Variants in XPO7 observed in about 807,000 individuals in gnomAD.
XPO7 encodes exportin 7.
Under a neutral mutation model 144.3 loss-of-function variants are expected in XPO7, and 21 were observed. That is an observed-to-expected ratio of 0.15 (90% confidence interval 0.10 to 0.21). XPO7 has a LOEUF of 0.21. Among genes scored for constraint, XPO7 ranks in the 10% least tolerant of loss-of-function variants. The probability of loss-of-function intolerance (pLI) is 1.00; values close to 1 mark genes in which losing one functional copy is unlikely to be tolerated. For missense variants in XPO7, 808 were observed against 1,325.8 expected, an observed-to-expected ratio of 0.61 and a Z score of 6.06; for synonymous variants, 580 against 499.6, an observed-to-expected ratio of 1.16 and a Z score of -2.15.
rs1260987242 is a variant in XPO7 at position 21,919,741 on chromosome 8, G to A, written c.-30G>A. ...CCGAGGTGCGCGCTGGGGGGGAGGG[G>A]GGGCCGGAGAGGAGCATGAATGGAG... On this transcript the variant is annotated 5_prime_UTR_variant, in exon 1 of 28. Transcript: ENST00000252512. 1 of 404,566 alleles carries A rather than the reference G, an allele frequency of 2.5e-6. No homozygotes were observed. Among genetic ancestry groups the A allele is most frequent in the Non-Finnish European group, 3.6e-6 (1 of 274,492 alleles). 25.1% of individuals were successfully genotyped at this position (404,566 alleles called of 1,614,324 possible). A position where few individuals can be genotyped will look rare whatever the true frequency, so the allele number is the denominator to read the frequency against.
At chr8:21,975,840 A>T (rs1812206809) in intron 6 of XPO7, among the ~76,000 whole-genome samples, 1 of 152,244 alleles carries the variant, frequency 6.6e-6, no homozygotes, top group Non-Finnish European at 1.5e-5. Flanking sequence ...ACTCACCTGT[A>T]GTCTGCAGGT....
intron 15 of XPO7, chr8:21,988,353 T>A (rs1464801395): frequency 6.4e-6 from 1 of 157,200 alleles, no homozygotes; most frequent in Non-Finnish European, 1.4e-5. Flanking sequence ...TGAACTGTCT[T>A]CAGAGTTGGA....
At chr8:21,931,561 G>A (rs1466144923) in intron 1 of XPO7, among the ~76,000 whole-genome samples, 1 of 152,188 alleles carries the variant, frequency 6.6e-6, no homozygotes, top group Non-Finnish European at 1.5e-5. Flanking sequence ...ACTGACAAGA[G>A]TAAAATGTTT....
chr8:21,955,241 A>G (rs1232539039), intron 1 of XPO7, among the ~76,000 whole-genome samples: 2 of 152,344 alleles, frequency 1.3e-5, no homozygotes, highest in Non-Finnish European at 2.9e-5. Context: ...GAATTAAACA[A>G]CTTTCTTTTT....
chr8:21,969,805 T>A, intron 3 of XPO7: 2 of 556,494 alleles, frequency 3.6e-6, no homozygotes, highest in Non-Finnish European at 6.3e-6. Flanking sequence ...GGAGATTTCT[T>A]CATTCATCTT....
In XPO7 at chr8:21,989,103, C is replaced by T; in HGVS notation, c.1868+20C>T. 6.2e-7 allele frequency: 1 copy of T among 1,606,428 alleles called. No individual in the cohort carries two copies. Among genetic ancestry groups the T allele is most frequent in the Non-Finnish European group, 8.5e-7 (1 of 1,174,266 alleles). On this transcript the variant is annotated intron_variant, in intron 16 of 27. Transcript: ENST00000252512. Reference sequence around the variant, plus strand: ...CATTGGATATCCTTTTCTAAGCTAACTTCTGTGCACAACAGAAACTGGCAT... The same window carrying T: ...CATTGGATATCCTTTTCTAAGCTAATTTCTGTGCACAACAGAAACTGGCAT...
At chr8:21,990,263 C>A (rs550239644) in intron 16 of XPO7, 81 bp from the exon 17 acceptor site, 358 of 1,409,656 alleles carry the variant, frequency 2.5e-4, no homozygotes, top group Middle Eastern at 1.4e-3. Context: ...GGTGAACTGT[C>A]CTTTATTCTG....
chr8:21,942,081 A>G (rs1327493842), intron 1 of XPO7, among the ~76,000 whole-genome samples: 2 of 152,248 alleles, frequency 1.3e-5, no homozygotes, highest in East Asian at 3.8e-4. Context: ...CATTGGTCAT[A>G]CATTGCAATA....
chr8:21,960,487 A>T (rs1190124622), intron 1 of XPO7, among the ~76,000 whole-genome samples: 1 of 152,232 alleles, frequency 6.6e-6, no homozygotes, highest in Non-Finnish European at 1.5e-5. Context: ...TTCATGAAAT[A>T]ATTTGTTTGC....
chr8:21,968,031 C>T (rs577920883), intron 2 of XPO7, among the ~76,000 whole-genome samples: 1 of 152,286 alleles, frequency 6.6e-6, no homozygotes, highest in East Asian at 1.9e-4. Context: ...TCCTAATCCT[C>T]AAACAGCTTC....
chr8:21,990,739 C>T, intron 17 of XPO7, 72 bp from the exon 18 acceptor site: 1 of 1,432,576 alleles, frequency 7.0e-7, no homozygotes, highest in African/African-American at 1.4e-5. Context: ...CTCAGTAATT[C>T]TCTGATTACT....
At position 21,925,386 on chromosome 8, in the gene XPO7, A is replaced by G. The variant is rs538542374; in HGVS notation, c.18+5598A>G. Among the ~76,000 whole-genome samples the G allele has an allele frequency of 3.9e-5, 6 of 152,360 alleles. No homozygotes were observed. The South Asian group carries it at 1.2e-3, about 32-fold the overall frequency. ...GCAGAATTGGAAACTTCATGCTAGC[A>G]TTAATTGATATCATTTAATGCTCAC... On this transcript the variant is annotated intron_variant, in intron 1 of 27. Transcript: ENST00000252512.
At chr8:21,974,123 G>A (rs531185587) in intron 5 of XPO7, among the ~76,000 whole-genome samples, 8 of 152,272 alleles carry the variant, frequency 5.3e-5, no homozygotes, top group South Asian at 4.1e-4. Flanking sequence ...GTGCAGCCAC[G>A]AATGCCTGGG....
At position 21,924,055 on chromosome 8, in the gene XPO7, G is replaced by A. The variant is rs996702169; in HGVS notation, c.18+4267G>A. On this transcript the variant is annotated intron_variant, in intron 1 of 27. Coordinates refer to ENST00000252512, the MANE Select transcript of XPO7 (RefSeq NM_015024.5). ...CAGTCAAACTCTCAGCTGGGGCTCC[G>A]GGCTGCAGTCAATCTCAGGGCTTGA... Among the ~76,000 whole-genome samples the A allele has an allele frequency of 7.2e-5, 11 of 152,126 alleles. No homozygotes were observed. The East Asian group carries it at 9.6e-4, about 13-fold the overall frequency.
chr8:21,999,337 T>C (rs1813060893), intron 23 of XPO7, 32 bp downstream of exon 23: 2 of 1,609,514 alleles, frequency 1.2e-6, no homozygotes, highest in Non-Finnish European at 1.7e-6. Flanking sequence ...CACAATCTTG[T>C]TCCTCATCAC....
chr8:21,987,642 T>C, intron 14 of XPO7, 142 bp from the exon 15 acceptor site: 2 of 919,390 alleles, frequency 2.2e-6, no homozygotes, highest in East Asian at 5.3e-5. Context: ...ACTTGGAAAC[T>C]AGCTTATCCC....
chr8:21,944,991 C>A (rs1811131312), intron 1 of XPO7, among the ~76,000 whole-genome samples: 1 of 152,240 alleles, frequency 6.6e-6, no homozygotes, highest in African/African-American at 2.4e-5. Flanking sequence ...AAAATGGAGT[C>A]TCCTATGTCT....
intron 16 of XPO7, among the ~76,000 whole-genome samples, chr8:21,989,950 T>C (rs988472166): frequency 6.8e-6 from 1 of 146,950 alleles, no homozygotes; most frequent in Non-Finnish European, 1.5e-5. Context: ...CCCAGGTTCA[T>C]GCCATTCTCC....
chr8:21,940,539 G>T lies in XPO7; in HGVS notation c.18+20751G>T, dbSNP rs187804008. Among the ~76,000 whole-genome samples, 346 of 149,852 alleles carry T rather than the reference G, an allele frequency of 2.3e-3. 2 individuals carry two copies. Among genetic ancestry groups the T allele is most frequent in the Non-Finnish European group, 3.4e-3 (227 of 67,436 alleles). On this transcript the variant is annotated intron_variant, in intron 1 of 27. Coordinates refer to ENST00000252512, the MANE Select transcript of XPO7 (RefSeq NM_015024.5). ...GGCTGGAGTGCGGTGGTGTGATCTC[G>T]GCTCACTGCAACCTCCATCTCCTGT...
Sources: gnomAD v4.1 joint callset for allele counts (sites outside exome capture counted in the v4.1 genomes callset) on GRCh38, gnomAD v4.1.1 for gene constraint, MANE v1.5 for transcripts, NCBI Gene and HGNC (gene_info 2026-07-23, HGNC 2026-07-21) for gene names.